METTL8: variants seen among roughly 807,000 people sequenced by gnomAD.
METTL8 encodes tRNA N(3)-cytidine methyltransferase METTL8, mitochondrial.
Under a neutral mutation model 48.7 loss-of-function variants are expected in METTL8, and 32 were observed. That is an observed-to-expected ratio of 0.66 (90% CI 0.50 to 0.88). METTL8 has a LOEUF of 0.88. Ranked by LOEUF, METTL8 falls within the 40% of genes least tolerant of loss-of-function variation. METTL8 has a pLI of 0.00. For synonymous variants in METTL8, 136 were observed against 157.1 expected (o/e 0.87, Z 1.01); for missense variants, 464 against 474.4 (o/e 0.98, Z 0.20).
chr2:171,402,297 G>A (rs1689722211), intron 1 of METTL8, among the ~76,000 whole-genome samples: 1 of 152,162 alleles, frequency 6.6e-6, no homozygotes, highest in Non-Finnish European at 1.5e-5. Context: ...TTCTGGATAT[G>A]AATGGTGCCT....
At chr2:171,352,868 T>C (rs930478787) in intron 3 of METTL8, among the ~76,000 whole-genome samples, 1 of 152,220 alleles carries the variant, frequency 6.6e-6, no homozygotes, top group Non-Finnish European at 1.5e-5. Flanking sequence ...TTTTCTTCTT[T>C]ATTAGTCTTG....
intron 5 of METTL8, among the ~76,000 whole-genome samples, chr2:171,335,513 C>G (rs927723446): frequency 6.6e-6 from 1 of 152,132 alleles, no homozygotes; most frequent in Non-Finnish European, 1.5e-5. Context: ...CAACCTCCAC[C>G]TCCTGGGTTC....
At chr2:171,420,612 C>T (rs993236389) in intron 1 of METTL8, among the ~76,000 whole-genome samples, 1 of 152,086 alleles carries the variant, frequency 6.6e-6, no homozygotes. Flanking sequence ...TACTCAGAGA[C>T]CAAAAGCTCG....
At chr2:171,434,087 T>C, upstream of METTL8, 1 of 319,972 alleles carries the variant, frequency 3.1e-6, no homozygotes, top group South Asian at 2.4e-5. Context: ...TCTGCCCAGC[T>C]AGCCACTCGC....
At chr2:171,337,599 A>G in intron 4 of METTL8, 97 bp from the exon 5 acceptor site, 1 of 818,522 alleles carries the variant, frequency 1.2e-6, no homozygotes, top group Admixed American at 2.7e-5. Context: ...AATTAGACTT[A>G]CTGGATCTCT....
intron 3 of METTL8, among the ~76,000 whole-genome samples, chr2:171,356,843 A>T (rs951137855): frequency 1.3e-5 from 2 of 152,020 alleles, no homozygotes; most frequent in African/African-American, 4.8e-5. Flanking sequence ...TGCCACTTTA[A>T]TTTTACATAA....
rs896441313 is a variant in METTL8, at chr2:171,319,087, T to A, written c.*5085A>T. On this transcript the variant is annotated 3_prime_UTR_variant, in exon 10 of 10. Coordinates refer to ENST00000375258, the MANE Select transcript of METTL8 (RefSeq NM_001321154.2). ...AGGACCCATGCTTCCTGTTTGACTC[T>A]GAGGCAACACTTTTTTCCATGGAAA... 6.6e-6 allele frequency: 1 copy of A among 152,182 alleles called. No individual in the cohort carries two copies. Among genetic ancestry groups the A allele is most frequent in the Non-Finnish European group, 1.5e-5 (1 of 68,024 alleles). 9.4% of individuals were successfully genotyped at this position (152,182 alleles called of 1,614,324 possible).
intron 4 of METTL8, among the ~76,000 whole-genome samples, chr2:171,338,163 A>G (rs1686313792): frequency 6.6e-6 from 1 of 152,244 alleles, no homozygotes; most frequent in Non-Finnish European, 1.5e-5. Context: ...GAAAATCTGA[A>G]AACAATTAAA....
intron 1 of METTL8, among the ~76,000 whole-genome samples, chr2:171,432,585 A>G (rs1693183893): frequency 6.6e-6 from 1 of 152,220 alleles, no homozygotes; most frequent in Non-Finnish European, 1.5e-5. Context: ...TGCATTCATG[A>G]ATTACCAAAT....
At chr2:171,367,950 C>T (rs996612920) in intron 2 of METTL8, among the ~76,000 whole-genome samples, 1 of 152,160 alleles carries the variant, frequency 6.6e-6, no homozygotes, top group Non-Finnish European at 1.5e-5. Context: ...CTGTGTTTTG[C>T]TCTTTCACTG....
chr2:171,403,216 C>G (rs1689817091), intron 1 of METTL8, among the ~76,000 whole-genome samples: 1 of 152,128 alleles, frequency 6.6e-6, no homozygotes, highest in African/African-American at 2.4e-5. Flanking sequence ...AGTAACTTCA[C>G]AAAGACTTCC....
intron 5 of METTL8, 122 bp from the exon 6 acceptor site, chr2:171,331,989 G>C (rs547868826): frequency 3.1e-6 from 2 of 647,224 alleles, no homozygotes; most frequent in East Asian, 2.9e-5. Flanking sequence ...GGACTCTAGC[G>C]ATCTTGCTTC....
intron 1 of METTL8, among the ~76,000 whole-genome samples, chr2:171,396,144 C>A (rs1007120505): frequency 6.6e-6 from 1 of 152,068 alleles, no homozygotes; most frequent in Non-Finnish European, 1.5e-5. Context: ...GGTATGGTGG[C>A]GGGTGCCTAT....
chr2:171,392,045 C>A lies in METTL8; in HGVS notation c.141G>T (p.Met47Ile). ...TCAGATTTAAAAAGAAAACTCACCACATGTTGTGTTCAAAAACTTTGGCTG... is the reference window on the plus strand; with the variant it reads ...TCAGATTTAAAAAGAAAACTCACCAAATGTTGTGTTCAAAAACTTTGGCTG... Reference protein sequence around the residue: ...TDPAKVFEHNMWDHMQWSKEE... With the variant: ...TDPAKVFEHNIWDHMQWSKEE... Residue 47 changes from methionine (M) to isoleucine (I), a missense_variant and splice_region_variant, in exon 2 of 10, where the codon ATG becomes ATT. Physicochemically the swap from Met to Ile is conservative, Grantham distance 10. Coordinates refer to ENST00000375258, the MANE Select transcript of METTL8 (RefSeq NM_001321154.2). The A allele has an allele frequency of 6.4e-7, 1 of 1,550,928 alleles. No individual in the cohort carries two copies.
intron 7 of METTL8, 184 bp from the exon 8 acceptor site, chr2:171,326,332 T>TA (rs1343656057): frequency 5.6e-6 from 3 of 536,984 alleles, no homozygotes; most frequent in Non-Finnish European, 9.8e-6. Flanking sequence ...ACCAACTTGC[T>TA]AAATGACTAG....
At chr2:171,374,569 GA>G (rs2105511156) in intron 2 of METTL8, among the ~76,000 whole-genome samples, 1 of 152,234 alleles carries the variant, frequency 6.6e-6, no homozygotes, top group African/African-American at 2.4e-5. Context: ...AGACACTTGT[GA>G]AATTTTCACC....
chr2:171,331,162 G>A (rs1269086160), intron 6 of METTL8, among the ~76,000 whole-genome samples: 1 of 152,130 alleles, frequency 6.6e-6, no homozygotes, highest in African/African-American at 2.4e-5. Flanking sequence ...CCAGCATGGA[G>A]TGCAGTGGCG....
intron 1 of METTL8, among the ~76,000 whole-genome samples, chr2:171,414,254 C>T (rs1296763783): frequency 6.6e-6 from 1 of 152,002 alleles, no homozygotes; most frequent in Admixed American, 6.5e-5. Flanking sequence ...CCCATTTCTA[C>T]TAAAAATACG....
intron 2 of METTL8, among the ~76,000 whole-genome samples, chr2:171,386,951 G>A (rs753593379): frequency 6.6e-6 from 1 of 152,114 alleles, no homozygotes; most frequent in African/African-American, 2.4e-5. Flanking sequence ...GGCTAGGGCA[G>A]CCAGAGGAGA....
Sources: allele counts gnomAD v4.1 joint callset (sites outside exome capture counted in the v4.1 genomes callset), GRCh38; gene constraint gnomAD v4.1.1; transcripts MANE v1.5; gene names NCBI Gene and HGNC (gene_info 2026-07-23, HGNC 2026-07-21).